PLCXD3: variants seen among roughly 807,000 people sequenced by gnomAD.
PLCXD3 encodes phosphatidylinositol specific phospholipase C X domain containing 3, also known as PI-PLC X domain-containing protein 3.
A neutral mutation model predicts 25.5 loss-of-function variants in PLCXD3; 19 were observed. The ratio of observed to expected loss-of-function variants is 0.75; its 90% CI spans 0.52 to 1.09. PLCXD3 has a LOEUF of 1.09. Among genes scored for constraint, PLCXD3 ranks in the 50% least tolerant of loss-of-function variants. The pLI is 0.00. For missense variants in PLCXD3, 411 were observed against 388.1 expected (o/e 1.06, Z -0.50); for synonymous variants, 174 against 137.6 (o/e 1.26, Z -1.85).
chr5:41,486,871 T>G (rs1561287309), intron 1 of PLCXD3, among the ~76,000 whole-genome samples: 1 of 152,178 alleles, frequency 6.6e-6, no homozygotes, highest in Admixed American at 6.5e-5. Context: ...TATTTAGTGA[T>G]TCCCCTGGAG....
chr5:41,404,871 C>T (rs1162384968), intron 1 of PLCXD3, among the ~76,000 whole-genome samples: 1 of 152,148 alleles, frequency 6.6e-6, no homozygotes, highest in East Asian at 1.9e-4. Context: ...TGAGGTTTGA[C>T]ATGCTGTGAA....
intron 1 of PLCXD3, among the ~76,000 whole-genome samples, chr5:41,397,663 C>G (rs1746050924): frequency 6.6e-6 from 1 of 152,278 alleles, no homozygotes; most frequent in Admixed American, 6.5e-5. Context: ...CCACTGATAG[C>G]TTGCAATGTG....
At chr5:41,414,979 A>G (rs1293745540) in intron 1 of PLCXD3, among the ~76,000 whole-genome samples, 1 of 152,184 alleles carries the variant, frequency 6.6e-6, no homozygotes, top group Non-Finnish European at 1.5e-5. Context: ...CCATTTTATT[A>G]TTAGTTGTTA....
At chr5:41,407,554 C>T (rs1483067861) in intron 1 of PLCXD3, among the ~76,000 whole-genome samples, 1 of 152,170 alleles carries the variant, frequency 6.6e-6, no homozygotes, top group Non-Finnish European at 1.5e-5. Flanking sequence ...CATAATTTTG[C>T]CTCAATCTTC....
chr5:41,427,954 G>A (rs527365998), intron 1 of PLCXD3, among the ~76,000 whole-genome samples: 1 of 152,232 alleles, frequency 6.6e-6, no homozygotes, highest in East Asian at 1.9e-4. Context: ...ACCAAAACAG[G>A]TGAATACATT....
rs1743155208 is a variant in PLCXD3, at chr5:41,312,430, A to T, written c.*1187T>A. 1 of 152,192 alleles carries T rather than the reference A, an allele frequency of 6.6e-6. No individual in the cohort carries two copies. The highest frequency in any genetic ancestry group is 6.6e-5 in the Admixed American group (1 of 15,266). The allele number at this position is 152,192 out of a possible 1,614,324, so 9.4% of individuals were successfully genotyped here. A position where few individuals can be genotyped will look rare whatever the true frequency, so the allele number is the denominator to read the frequency against. ...CCAGCCTTCCTCTTTCTTTCCTTCAAGTCAAAAACTTGCAGTTTCTTGAAA... is the reference window on the plus strand; with the variant it reads ...CCAGCCTTCCTCTTTCTTTCCTTCATGTCAAAAACTTGCAGTTTCTTGAAA... On this transcript the variant is annotated 3_prime_UTR_variant, in exon 3 of 3. Transcript: ENST00000377801.
At chr5:41,328,614 G>C (rs1387550617) in intron 2 of PLCXD3, among the ~76,000 whole-genome samples, 2 of 152,100 alleles carry the variant, frequency 1.3e-5, no homozygotes, top group African/African-American at 4.8e-5. Flanking sequence ...AGCCCCTCTG[G>C]AATGTGAAGC....
At chr5:41,368,933 A>G (rs1055005486) in intron 2 of PLCXD3, among the ~76,000 whole-genome samples, 10 of 152,188 alleles carry the variant, frequency 6.6e-5, no homozygotes, top group Admixed American at 6.6e-5. Context: ...AGACATGGAA[A>G]TGTCGTTGCT....
chr5:41,490,104 G>A (rs974704822), intron 1 of PLCXD3, among the ~76,000 whole-genome samples: 1 of 152,110 alleles, frequency 6.6e-6, no homozygotes, highest in Non-Finnish European at 1.5e-5. Context: ...CTTGAGATAT[G>A]TCCCATCAAT....
chr5:41,366,740 C>T (rs1744948842), intron 2 of PLCXD3, among the ~76,000 whole-genome samples: 1 of 152,140 alleles, frequency 6.6e-6, no homozygotes, highest in African/African-American at 2.4e-5. Flanking sequence ...TGGTTTGATG[C>T]ACAGATCAAT....
intron 1 of PLCXD3, among the ~76,000 whole-genome samples, chr5:41,399,158 A>C (rs950239259): frequency 6.6e-6 from 1 of 152,194 alleles, no homozygotes; most frequent in Non-Finnish European, 1.5e-5. Context: ...AAAGATCTCT[A>C]TAAGGAAAAC....
rs549555548 is a variant in PLCXD3 at position 41,424,270 on chromosome 5, G to A, written c.104-41736C>T. ...AAAGGTTGTGAATTTCTGGCTGGGC[G>A]CGGTGGCTCACGCCTGTAATCCCAG... is the stretch of plus-strand genomic sequence containing the variant. On this transcript the variant is annotated intron_variant, in intron 1 of 2. Transcript: ENST00000377801. 3.9e-4 allele frequency among the ~76,000 whole-genome samples: 60 copies of A among 152,082 alleles called. No individual in the cohort carries two copies. In the East Asian group the frequency reaches 6.0e-3, roughly 15 times the overall value.
intron 1 of PLCXD3, among the ~76,000 whole-genome samples, chr5:41,455,026 C>CA (rs201314378): frequency 0.014 from 2,139 of 151,978 alleles, 56 homozygotes; most frequent in African/African-American, 0.048. Context: ...CATGAGACCA[C>CA]ATGAGAACTC....
intron 1 of PLCXD3, among the ~76,000 whole-genome samples, chr5:41,484,050 G>A (rs1748467032): frequency 6.6e-6 from 1 of 152,014 alleles, no homozygotes; most frequent in South Asian, 2.1e-4. Context: ...AAGCAAAAAG[G>A]CATTAAGTGA....
At chr5:41,489,072 T>G (rs1055695360) in intron 1 of PLCXD3, among the ~76,000 whole-genome samples, 1 of 152,232 alleles carries the variant, frequency 6.6e-6, no homozygotes, top group Non-Finnish European at 1.5e-5. Context: ...GGTCTAACGT[T>G]TAAGTCTTTA....
intron 2 of PLCXD3, among the ~76,000 whole-genome samples, chr5:41,337,438 T>G (rs1173981065): frequency 6.6e-6 from 1 of 152,184 alleles, no homozygotes; most frequent in African/African-American, 2.4e-5. Flanking sequence ...GGACTTTTTG[T>G]GTACAGTACT....
intron 1 of PLCXD3, among the ~76,000 whole-genome samples, chr5:41,472,831 C>G (rs967653174): frequency 1.3e-5 from 2 of 152,068 alleles, no homozygotes; most frequent in African/African-American, 2.4e-5. Context: ...ATTGTAGGTA[C>G]TAATATAAAT....
intron 1 of PLCXD3, among the ~76,000 whole-genome samples, chr5:41,433,854 C>T (rs1322836352): frequency 6.6e-6 from 1 of 152,190 alleles, no homozygotes; most frequent in Non-Finnish European, 1.5e-5. Flanking sequence ...CATAAAATGA[C>T]TCCTCTCCCT....
intron 1 of PLCXD3, among the ~76,000 whole-genome samples, chr5:41,435,900 C>T (rs1046638177): frequency 3.9e-5 from 6 of 152,218 alleles, no homozygotes; most frequent in African/African-American, 1.4e-4. Flanking sequence ...ACCTCTGTGG[C>T]CTCATAGCCC....
Sources: allele counts gnomAD v4.1 joint callset (sites outside exome capture counted in the v4.1 genomes callset), GRCh38; gene constraint gnomAD v4.1.1; transcripts MANE v1.5; gene names NCBI Gene and HGNC (gene_info 2026-07-23, HGNC 2026-07-21).